SLC24A2: variants seen among roughly 807,000 people sequenced by gnomAD.
SLC24A2 encodes the protein solute carrier family 24 member 2.
SLC24A2 carries 36 observed loss-of-function variants against 62.0 expected under a neutral mutation model. The observed-to-expected ratio is 0.58, with a 90% CI of 0.44 to 0.77. The LOEUF (loss-of-function observed/expected upper bound fraction) is 0.77. SLC24A2 is among the 30% of genes least tolerant of loss of function. The pLI, the probability that SLC24A2 is intolerant of heterozygous loss-of-function variation, is 0.00. For synonymous variants in SLC24A2, 358 were observed against 294.0 expected, an observed-to-expected ratio of 1.22 and a Z score of -2.23; for missense variants, 846 against 817.9, an observed-to-expected ratio of 1.03 and a Z score of -0.42.
At chr9:20,067,077 A>T in the SLC24A2 span, among the ~76,000 whole-genome samples, 1 of 152,196 alleles carries the variant, frequency 6.6e-6, no homozygotes, top group Non-Finnish European at 1.5e-5. Flanking sequence ...TATTTTTTAT[A>T]TATCAAAGGT....
chr9:20,012,867 G>C, the SLC24A2 span, among the ~76,000 whole-genome samples: 1 of 150,908 alleles, frequency 6.6e-6, no homozygotes, highest in African/African-American at 2.4e-5. Context: ...CTTGTATGTT[G>C]AAAACTATAA....
intron 2 of SLC24A2, among the ~76,000 whole-genome samples, chr9:19,712,845 A>C (rs1316688496): frequency 1.3e-5 from 2 of 152,164 alleles, no homozygotes; most frequent in African/African-American, 4.8e-5. Flanking sequence ...GGTGTTTAGC[A>C]GCATCCTTGT....
the SLC24A2 span, among the ~76,000 whole-genome samples, chr9:19,827,160 C>G: frequency 6.6e-6 from 1 of 152,126 alleles, no homozygotes; most frequent in East Asian, 1.9e-4. Context: ...ACACACAAGG[C>G]TGAGAGGAGT....
intron 4 of SLC24A2, among the ~76,000 whole-genome samples, chr9:19,610,662 A>G (rs989175968): frequency 9.9e-5 from 15 of 152,140 alleles, no homozygotes; most frequent in Non-Finnish European, 2.9e-5. Flanking sequence ...ACATAATAAC[A>G]TCATTGCTGT....
intron 1 of SLC24A2, 54 bp downstream of exon 1, chr9:19,788,831 G>T (rs987259094): frequency 2.0e-6 from 2 of 985,318 alleles, no homozygotes; most frequent in Non-Finnish European, 2.4e-6. Flanking sequence ...GGGATGCGGG[G>T]ACGACCGCCA....
Position 19,550,154 on chromosome 9 carries a change from G to A in SLC24A2, c.1462C>T (p.Pro488Ser), listed in dbSNP as rs777508100. 6 of 1,613,946 alleles carry A rather than the reference G, an allele frequency of 3.7e-6. No individual in the cohort carries two copies. Among genetic ancestry groups the A allele is most frequent in the Admixed American group, 3.3e-5 (2 of 60,000 alleles). The change falls in exon 8 of 11, where the codon CCT becomes TCT. Residue 488 changes from proline (P) to serine (S), a missense_variant. Pro to Ser is a moderately conservative substitution (Grantham distance 74). Transcript: ENST00000341998. Reference sequence around the variant, plus strand: ...TTACTTACAGGTTTGCGAACGTCAGGTAACGTAATCCAGAGAGGAAACACT... The same window carrying A: ...TTACTTACAGGTTTGCGAACGTCAGATAACGTAATCCAGAGAGGAAACACT... The part of the protein sequence containing the change: ...PIVFPLWITL[P>S]DVRKPSSRKF...
the SLC24A2 span, among the ~76,000 whole-genome samples, chr9:20,304,892 G>A: frequency 2.0e-5 from 3 of 151,284 alleles, no homozygotes; most frequent in Non-Finnish European, 2.9e-5. Context: ...CCTGGGTCAC[G>A]ACAGTAACTG....
chr9:20,263,665 G>C, the SLC24A2 span, among the ~76,000 whole-genome samples: 1 of 152,158 alleles, frequency 6.6e-6, no homozygotes, highest in Non-Finnish European at 1.5e-5. Flanking sequence ...TGCACTACAT[G>C]TTTACATGAA....
At chr9:19,821,892 G>A in the SLC24A2 span, among the ~76,000 whole-genome samples, 1 of 152,102 alleles carries the variant, frequency 6.6e-6, no homozygotes, top group East Asian at 1.9e-4. Context: ...TATTCTTTGT[G>A]TTTATTTTGA....
intron 2 of SLC24A2, among the ~76,000 whole-genome samples, chr9:19,722,622 A>C (rs1310284390): frequency 1.3e-5 from 2 of 150,044 alleles, no homozygotes; most frequent in East Asian, 2.0e-4. Context: ...CAGGCATGTG[A>C]ATTAGGTTCT....
At chr9:19,551,345 G>A (rs756810235) in intron 7 of SLC24A2, among the ~76,000 whole-genome samples, 6 of 152,172 alleles carry the variant, frequency 3.9e-5, no homozygotes, top group East Asian at 3.9e-4. Context: ...AATGGCCAGC[G>A]TTTTATTTGT....
chr9:19,712,325 T>C (rs577740259), intron 2 of SLC24A2, among the ~76,000 whole-genome samples: 6 of 152,326 alleles, frequency 3.9e-5, no homozygotes, highest in African/African-American at 1.4e-4. Context: ...ATTCCAGAAC[T>C]TTAGTGAAAT....
chr9:19,727,577 A>G (rs1821208296), intron 2 of SLC24A2, among the ~76,000 whole-genome samples: 2 of 152,222 alleles, frequency 1.3e-5, no homozygotes, highest in Admixed American at 6.5e-5. Flanking sequence ...AACAATGACT[A>G]GCATGTGGCA....
intron 2 of SLC24A2, among the ~76,000 whole-genome samples, chr9:19,664,714 G>C (rs1436107119): frequency 6.6e-6 from 1 of 152,142 alleles, no homozygotes; most frequent in Non-Finnish European, 1.5e-5. Context: ...TGAGAAGAGA[G>C]ATTTGACACA....
At chr9:20,074,518 C>G in the SLC24A2 span, among the ~76,000 whole-genome samples, 1 of 149,042 alleles carries the variant, frequency 6.7e-6, no homozygotes, top group Admixed American at 6.8e-5. Context: ...TAGGTCATGC[C>G]CAGTAGCCTC....
chr9:20,234,055 C>T, the SLC24A2 span, among the ~76,000 whole-genome samples: 3 of 152,132 alleles, frequency 2.0e-5, no homozygotes, highest in Non-Finnish European at 2.9e-5. Context: ...AATATTGGTC[C>T]CCACTCTCTT....
At position 19,788,881 on chromosome 9, in the gene SLC24A2, T is replaced by C; in HGVS notation, c.-154+4A>G. ...GCAGGCGGGGCGCAGCCGCCCGCAC[T>C]TACCAGGATAAGATGGGAGGACGCG... On this transcript the variant is annotated splice_donor_region_variant and intron_variant, in intron 1 of 10. Coordinates refer to ENST00000341998, the MANE Select transcript of SLC24A2 (RefSeq NM_020344.4). The C allele has an allele frequency of 1.0e-6, 1 of 985,398 alleles. No homozygotes were observed. The highest frequency in any genetic ancestry group is 1.2e-6 in the Non-Finnish European group (1 of 829,904). The allele number at this position is 985,398 out of a possible 1,614,324, so 61.0% of individuals were successfully genotyped here.
the SLC24A2 span, among the ~76,000 whole-genome samples, chr9:20,300,809 G>T: frequency 5.3e-5 from 8 of 152,132 alleles, no homozygotes; most frequent in Admixed American, 5.2e-4. Flanking sequence ...TGTCTTAGGG[G>T]CAATGCTTTG....
chr9:19,960,149 AAAGT>A, the SLC24A2 span, among the ~76,000 whole-genome samples: 2 of 152,130 alleles, frequency 1.3e-5, no homozygotes, highest in African/African-American at 2.4e-5. Context: ...GATGCCAACC[AAAGT>A]AAGAAATGCA....
Sources: gnomAD v4.1 joint callset for allele counts (sites outside exome capture counted in the v4.1 genomes callset) on GRCh38, gnomAD v4.1.1 for gene constraint, MANE v1.5 for transcripts, NCBI Gene and HGNC (gene_info 2026-07-23, HGNC 2026-07-21) for gene names.